The following SORCS1 variants were observed in gnomAD, a reference collection of about 807,000 sequenced individuals.
SORCS1 encodes sortilin related VPS10 domain containing receptor 1, also known as VPS10 domain-containing receptor SorCS1.
Under a neutral mutation model 146.1 loss-of-function variants are expected in SORCS1, and 60 were observed. The ratio of observed to expected loss-of-function variants is 0.41; its 90% CI spans 0.33 to 0.51. The LOEUF (loss-of-function observed/expected upper bound fraction) is 0.51, where lower values mean the gene tolerates loss of function less well. Ranked by LOEUF, SORCS1 falls within the 20% of genes least tolerant of loss-of-function variation. The pLI is 0.21. For missense variants in SORCS1, 1,352 were observed against 1,487.6 expected (o/e 0.91, Z 1.50); for synonymous variants, 637 against 584.0 (o/e 1.09, Z -1.31).
intron 5 of SORCS1, among the ~76,000 whole-genome samples, chr10:106,735,398 AGTAACCCAATGAAGAAAGG>A (rs1259228304): frequency 6.6e-6 from 1 of 152,238 alleles, no homozygotes; most frequent in Non-Finnish European, 1.5e-5. Context: ...CAGAAGAGGC[AGTAACCCAATGAAGAAAGG>A]GTTCTAACAT....
chr10:107,041,736 C>T (rs1682670431), intron 1 of SORCS1, among the ~76,000 whole-genome samples: 2 of 152,028 alleles, frequency 1.3e-5, no homozygotes, highest in South Asian at 2.1e-4. Context: ...ACCTCAGAAC[C>T]CTTAGATTGG....
At chr10:106,672,240 T>C (rs1329715956) in intron 15 of SORCS1, among the ~76,000 whole-genome samples, 3 of 152,208 alleles carry the variant, frequency 2.0e-5, no homozygotes, top group African/African-American at 7.2e-5. Flanking sequence ...TACCAAATCC[T>C]TTGAGAGATC....
chr10:106,581,512 T>C (rs989829670), intron 24 of SORCS1, among the ~76,000 whole-genome samples: 1 of 152,144 alleles, frequency 6.6e-6, no homozygotes, highest in South Asian at 2.1e-4. Context: ...TAATAAATCA[T>C]GTACGCTTAC....
intron 3 of SORCS1, among the ~76,000 whole-genome samples, chr10:106,800,734 G>C (rs1038060684): frequency 1.3e-5 from 2 of 151,782 alleles, no homozygotes; most frequent in African/African-American, 4.8e-5. Flanking sequence ...GTAGAGACGG[G>C]GTTTCACCGT....
intron 3 of SORCS1, among the ~76,000 whole-genome samples, chr10:106,810,757 T>C (rs1362170091): frequency 6.6e-6 from 1 of 152,110 alleles, no homozygotes; most frequent in African/African-American, 2.4e-5. Flanking sequence ...CACTGTGCTC[T>C]CCTAATGCAC....
At chr10:106,662,201 C>T (rs144612901) in intron 17 of SORCS1, among the ~76,000 whole-genome samples, 3 of 152,270 alleles carry the variant, frequency 2.0e-5, no homozygotes, top group Non-Finnish European at 2.9e-5. Flanking sequence ...CAATAATAAC[C>T]GATGCCAGGA....
At chr10:106,885,288 G>T (rs982003907) in intron 2 of SORCS1, among the ~76,000 whole-genome samples, 8 of 149,144 alleles carry the variant, frequency 5.4e-5, no homozygotes, top group Non-Finnish European at 1.0e-4. Context: ...AGAAAATTGG[G>T]GGGGGGGAAC....
intron 2 of SORCS1, among the ~76,000 whole-genome samples, chr10:106,885,827 C>T (rs539713127): frequency 2.6e-5 from 4 of 152,256 alleles, no homozygotes; most frequent in South Asian, 2.1e-4. Context: ...ATAAGTCTCA[C>T]GAGAACTGAT....
intron 16 of SORCS1, among the ~76,000 whole-genome samples, chr10:106,668,941 C>T (rs2135449603): frequency 6.6e-6 from 1 of 152,260 alleles, no homozygotes; most frequent in African/African-American, 2.4e-5. Flanking sequence ...ATCACCGAAA[C>T]TCCAGCTACC....
chr10:106,691,144 A>C (rs2135670545), intron 9 of SORCS1, among the ~76,000 whole-genome samples: 1 of 152,316 alleles, frequency 6.6e-6, no homozygotes, highest in African/African-American at 2.4e-5. Flanking sequence ...GTTTCTAGAT[A>C]ACCTCTCTGT....
intron 1 of SORCS1, among the ~76,000 whole-genome samples, chr10:106,978,175 C>A (rs982266977): frequency 6.6e-5 from 10 of 152,142 alleles, no homozygotes; most frequent in African/African-American, 2.4e-4. Flanking sequence ...GAACCCCTGA[C>A]CTCAGGTTAT....
intron 6 of SORCS1, among the ~76,000 whole-genome samples, chr10:106,720,551 CCGATGCTACTTTTTTTTTAAGTA>C (rs1484382188): frequency 7.8e-6 from 1 of 128,678 alleles, no homozygotes; most frequent in Non-Finnish European, 1.7e-5. Flanking sequence ...TGAGTAAATG[CCGATGCTACTTTTTTTTTAAGTA>C]CGATGCTACT....
chr10:106,762,699 T>C (rs552132473), intron 4 of SORCS1, among the ~76,000 whole-genome samples: 2 of 152,118 alleles, frequency 1.3e-5, no homozygotes, highest in South Asian at 2.1e-4. Context: ...GCCCAGCCTA[T>C]TATTCATTCT....
chr10:106,953,798 C>G (rs141752473), intron 2 of SORCS1, among the ~76,000 whole-genome samples: 1 of 152,078 alleles, frequency 6.6e-6, no homozygotes, highest in African/African-American at 2.4e-5. Flanking sequence ...AGGAAAAATA[C>G]AGTATAATTT....
intron 4 of SORCS1, among the ~76,000 whole-genome samples, chr10:106,762,237 C>T (rs971345997): frequency 6.6e-6 from 1 of 152,066 alleles, no homozygotes; most frequent in Non-Finnish European, 1.5e-5. Context: ...AAAGGAACAA[C>T]ATGAGTTAAA....
chr10:106,789,214 G>C (rs1449795605), intron 3 of SORCS1, among the ~76,000 whole-genome samples: 1 of 152,106 alleles, frequency 6.6e-6, no homozygotes, highest in African/African-American at 2.4e-5. Context: ...TCCCTCCTAT[G>C]CCTCCAAGTC....
At chr10:106,686,927 T>C (rs1852893978) in intron 10 of SORCS1, among the ~76,000 whole-genome samples, 1 of 151,928 alleles carries the variant, frequency 6.6e-6, no homozygotes, top group Non-Finnish European at 1.5e-5. Context: ...GCATGAAGAG[T>C]GTGAACAACT....
upstream of SORCS1, among the ~76,000 whole-genome samples, chr10:107,164,962 C>A (rs572223626): frequency 3.1e-4 from 47 of 150,524 alleles, 1 homozygote; most frequent in South Asian, 4.8e-3. The surrounding 1 kb of genome is among the most constrained non-coding windows in gnomAD (Gnocchi z 6.8). Flanking sequence ...CTCTGCGCCC[C>A]CGCGGCCGCG....
chr10:106,849,403 C>T (rs1047516940), intron 2 of SORCS1, among the ~76,000 whole-genome samples: 49 of 148,032 alleles, frequency 3.3e-4, no homozygotes, highest in Non-Finnish European at 6.1e-4. Context: ...CTGCATTCTT[C>T]AGGTAGTTCT....
Sources: allele counts gnomAD v4.1 joint callset (sites outside exome capture counted in the v4.1 genomes callset), GRCh38; gene constraint gnomAD v4.1.1; non-coding constraint Gnocchi (gnomAD v3.1); transcripts MANE v1.5; gene names NCBI Gene and HGNC (gene_info 2026-07-23, HGNC 2026-07-21).